Variants in USP42 observed in about 807,000 individuals in gnomAD.
USP42 encodes ubiquitin carboxyl-terminal hydrolase 42.
In USP42, 23 loss-of-function variants were observed where a neutral mutation model predicts 113.0. The observed-to-expected ratio is 0.20, with a 90% confidence interval of 0.15 to 0.29. The LOEUF (loss-of-function observed/expected upper bound fraction) is 0.29, where lower values mean the gene tolerates loss of function less well. Among genes scored for constraint, USP42 ranks in the 10% least tolerant of loss-of-function variants. USP42 has a pLI of 1.00. For missense variants in USP42, 2,174 were observed against 1,779.8 expected, an observed-to-expected ratio of 1.22 and a Z score of -3.99; for synonymous variants, 933 against 699.0, an observed-to-expected ratio of 1.33 and a Z score of -5.28.
At position 6,155,098 on chromosome 7, in the gene USP42, G is replaced by C; in HGVS notation, c.3544G>C (p.Glu1182Gln). Residue 1182 changes from glutamate to glutamine, a missense_variant, in exon 15 of 18, where the codon GAA (glutamate) becomes CAA (glutamine). By Grantham distance (29) the Glu-to-Gln change is conservative (BLOSUM62 2). Coordinates refer to ENST00000306177, the MANE Select transcript of USP42 (RefSeq NM_032172.3). Reference protein sequence around the residue: ...SHVEKKARRSEQKDPLEEPKA... With the variant: ...SHVEKKARRSQQKDPLEEPKA... The stretch of plus-strand genomic sequence containing the variant: ...TGTTGAAAAGAAAGCCCGGAGGAGC[G>C]AACAGAAGGATCCTCTAGAAGAGCC... 2 of 1,560,002 alleles carry C rather than the reference G, an allele frequency of 1.3e-6. No homozygotes were observed. The highest frequency in any genetic ancestry group is 1.7e-6 in the Non-Finnish European group (2 of 1,152,162).
chr7:6,161,415 C>G lies in USP42; in HGVS notation c.*897C>G, dbSNP rs893067342. 2 of 152,516 alleles carry G rather than the reference C, an allele frequency of 1.3e-5. No individual in the cohort carries two copies. Among genetic ancestry groups the G allele is most frequent in the African/African-American group, 2.4e-5 (1 of 41,404 alleles). The allele number at this position is 152,516 out of a possible 1,614,324, so 9.4% of individuals were successfully genotyped here. ...AAACTGTATTTAATACAGTTTGTAT[C>G]TGAATAATCTGTATGGTTTATACAG... On this transcript the variant is annotated 3_prime_UTR_variant, in exon 18 of 18. Coordinates refer to ENST00000306177, the MANE Select transcript of USP42 (RefSeq NM_032172.3).
intron 3 of USP42, among the ~76,000 whole-genome samples, chr7:6,123,379 T>C (rs60977467): frequency 0.11 from 17,155 of 151,736 alleles, 2,014 homozygotes; most frequent in East Asian, 0.44. Flanking sequence ...TATTAAAAAA[T>C]TGGGCTGGGT....
chr7:6,113,047 G>A (rs1286404225), intron 2 of USP42, among the ~76,000 whole-genome samples: 2 of 151,838 alleles, frequency 1.3e-5, no homozygotes, highest in Non-Finnish European at 2.9e-5. Context: ...GGGACTACAG[G>A]TGCGCGCCAC....
the USP42 span, among the ~76,000 whole-genome samples, chr7:6,082,145 T>C: frequency 6.6e-6 from 1 of 152,074 alleles, no homozygotes; most frequent in South Asian, 2.1e-4. Context: ...TTTTTTTTTT[T>C]TGAGATAGAG....
chr7:6,160,246 T>G (rs1358575550), intron 17 of USP42, among the ~76,000 whole-genome samples: 1 of 152,160 alleles, frequency 6.6e-6, no homozygotes, highest in Non-Finnish European at 1.5e-5. Flanking sequence ...GCTTTATCAA[T>G]GTGTCCTCAA....
chr7:6,143,119 G>C (rs1056179885), intron 8 of USP42, 105 bp downstream of exon 8: 35 of 1,144,696 alleles, frequency 3.1e-5, no homozygotes, highest in African/African-American at 1.2e-4. Context: ...TTGAGTTTCT[G>C]ATACCCTCTG....
chr7:6,131,602 G>A (rs530413970), intron 3 of USP42, among the ~76,000 whole-genome samples: 42 of 152,202 alleles, frequency 2.8e-4, no homozygotes, highest in Non-Finnish European at 5.4e-4. Context: ...TCCTTTGGCT[G>A]GAGAGAGTGG....
chr7:6,087,320 C>T, the USP42 span, among the ~76,000 whole-genome samples: 9 of 149,738 alleles, frequency 6.0e-5, 1 homozygote, highest in East Asian at 1.9e-4. Flanking sequence ...CGTGAGCCAC[C>T]GCACCTGGCC....
intron 9 of USP42, among the ~76,000 whole-genome samples, 186 bp from the exon 10 acceptor site, chr7:6,145,330 C>CAAAAAAAAA (rs61495758): frequency 7.6e-6 from 1 of 132,080 alleles, no homozygotes; most frequent in Non-Finnish European, 1.7e-5. Context: ...CACGCCATCT[C>CAAAAAAAAA]AAAAAAAAAA....
intron 3 of USP42, among the ~76,000 whole-genome samples, chr7:6,116,245 G>T (rs925330760): frequency 1.3e-5 from 2 of 152,062 alleles, no homozygotes; most frequent in Non-Finnish European, 2.9e-5. Context: ...GGACTCTCTT[G>T]TCACTGCCCG....
chr7:6,089,465 A>G, the USP42 span, among the ~76,000 whole-genome samples: 1 of 150,248 alleles, frequency 6.7e-6, no homozygotes, highest in Non-Finnish European at 1.5e-5. Flanking sequence ...CGTAATACAT[A>G]TAGCTTCTGT....
chr7:6,096,675 G>A, the USP42 span, among the ~76,000 whole-genome samples: 1 of 151,440 alleles, frequency 6.6e-6, no homozygotes, highest in South Asian at 2.1e-4. Context: ...AATCCCTGGA[G>A]ATTAATCCCA....
intron 1 of USP42, 89 bp from the exon 2 acceptor site, chr7:6,111,036 C>A: frequency 1.5e-6 from 2 of 1,349,010 alleles, no homozygotes; most frequent in African/African-American, 1.5e-5. Context: ...TTTAAAATGG[C>A]TGGAATGATC....
Position 6,108,823 on chromosome 7 carries a change from G to A in USP42, c.-9-2302G>A, listed in dbSNP as rs147200058. On this transcript the variant is annotated intron_variant, in intron 1 of 17. Transcript: ENST00000306177. ...TTTTTAAGGCCATTTCTACTCCAGA[G>A]TTTTTTAAGGATCAAATGATATACT... Among the ~76,000 whole-genome samples the A allele has an allele frequency of 1.3e-3, 194 of 152,316 alleles. 1 individual carries two copies. Among genetic ancestry groups the A allele is most frequent in the Middle Eastern group, 6.8e-3 (2 of 294 alleles).
At position 6,150,210 on chromosome 7, in the gene USP42, A is replaced by G. The variant is rs1781962105; in HGVS notation, c.2014A>G (p.Asn672Asp). 1.2e-6 allele frequency: 2 copies of G among 1,613,826 alleles called. No homozygotes were observed. The highest frequency in any genetic ancestry group is 1.3e-5 in the African/African-American group (1 of 74,944). ...AGACAGCGACAGTGACCCGAAAGAA[A>G]ACGGCCTAGCGCCTGATGGTGCCAG... ...SADSDSDPKE[N>D]GLAPDGASCQ... Residue 672 changes from asparagine to aspartate, a missense_variant, in exon 13 of 18, where the codon AAC becomes GAC. By Grantham distance (23) the Asn-to-Asp change is conservative. Coordinates refer to ENST00000306177, the MANE Select transcript of USP42 (RefSeq NM_032172.3).
Position 6,139,433 on chromosome 7 carries a change from C to T in USP42, c.656+239C>T, listed in dbSNP as rs1781328475. ...TCAATCATAGATGTCAGGAAATAAACATTGGTCTTGCAGCTATTTAATTTC... is the reference window on the plus strand; with the variant it reads ...TCAATCATAGATGTCAGGAAATAAATATTGGTCTTGCAGCTATTTAATTTC... On this transcript the variant is annotated intron_variant, in intron 5 of 17. Transcript: ENST00000306177. This position sits in a 1 kb window ranked among gnomAD's most constrained non-coding sequence, Gnocchi z 4.5. 2 of 390,690 alleles carry T rather than the reference C, an allele frequency of 5.1e-6. No homozygotes were observed. Among genetic ancestry groups the T allele is most frequent in the East Asian group, 9.0e-5 (2 of 22,254 alleles). The allele number at this position is 390,690 out of a possible 1,614,324, so 24.2% of individuals were successfully genotyped here.
At chr7:6,096,419 G>T in the USP42 span, among the ~76,000 whole-genome samples, 2 of 151,274 alleles carry the variant, frequency 1.3e-5, no homozygotes, top group Admixed American at 6.6e-5. Context: ...GATCCCAATG[G>T]TGCAGATGCA....
chr7:6,128,554 G>C (rs1349115590), intron 3 of USP42, among the ~76,000 whole-genome samples: 1 of 152,150 alleles, frequency 6.6e-6, no homozygotes, highest in Admixed American at 6.6e-5. Context: ...TCGTTGGGTT[G>C]TGCTGTTCAA....
chr7:6,126,156 T>C (rs771878094), intron 3 of USP42, among the ~76,000 whole-genome samples: 7 of 152,244 alleles, frequency 4.6e-5, no homozygotes, highest in Admixed American at 1.3e-4. Flanking sequence ...ACGTGAATTA[T>C]ATAGTATGTA....
Sources: allele counts gnomAD v4.1 joint callset (sites outside exome capture counted in the v4.1 genomes callset), GRCh38; gene constraint gnomAD v4.1.1; non-coding constraint Gnocchi (gnomAD v3.1); transcripts MANE v1.5; gene names NCBI Gene and HGNC (gene_info 2026-07-23, HGNC 2026-07-21).